GTF2A1: variants seen among roughly 807,000 people sequenced by gnomAD.
GTF2A1 encodes transcription initiation factor IIA subunit 1.
GTF2A1 carries 12 observed loss-of-function variants against 54.1 expected under a neutral mutation model. The observed-to-expected ratio is 0.22, with a 90% CI of 0.14 to 0.36. The LOEUF (loss-of-function observed/expected upper bound fraction) is 0.36, where lower values mean the gene tolerates loss of function less well. Ranked by LOEUF, GTF2A1 falls within the 10% of genes least tolerant of loss-of-function variation. The pLI is 1.00. For missense variants in GTF2A1, 335 were observed against 442.2 expected, an observed-to-expected ratio of 0.76 and a Z score of 2.17; for synonymous variants, 145 against 152.0, an observed-to-expected ratio of 0.95 and a Z score of 0.34.
chr14:81,209,034 T>C (rs1244037551), intron 2 of GTF2A1, among the ~76,000 whole-genome samples: 1 of 152,126 alleles, frequency 6.6e-6, no homozygotes, highest in Non-Finnish European at 1.5e-5. Flanking sequence ...AGTTAAGACT[T>C]TGGGGGACTG....
chr14:81,195,135 CAAA>C (rs749038152), intron 6 of GTF2A1, among the ~76,000 whole-genome samples: 4 of 61,260 alleles, frequency 6.5e-5, no homozygotes, highest in African/African-American at 9.9e-5. Context: ...GACTCTGTCT[CAAA>C]AAAAAAAAAA....
chr14:81,218,945 A>T (rs182549578), intron 1 of GTF2A1, among the ~76,000 whole-genome samples: 8 of 151,918 alleles, frequency 5.3e-5, no homozygotes, highest in Admixed American at 5.3e-4. Context: ...AACATAATGA[A>T]ATATTAGGAG....
At chr14:81,187,561 T>G (rs1892777494) in intron 7 of GTF2A1, among the ~76,000 whole-genome samples, 1 of 152,204 alleles carries the variant, frequency 6.6e-6, no homozygotes, top group Admixed American at 6.5e-5. Context: ...TAATCTGCTG[T>G]CTGTATGGAT....
rs933937605 is a variant in GTF2A1 at position 81,179,392 on chromosome 14, T to C, written c.*831A>G. 6.6e-6 allele frequency: 1 copy of C among 152,214 alleles called. No homozygotes were observed. Among genetic ancestry groups the C allele is most frequent in the Non-Finnish European group, 1.5e-5 (1 of 68,042 alleles). The allele number at this position is 152,214 out of a possible 1,614,324, so 9.4% of individuals were successfully genotyped here. ...ATACAATTTCAGCTAGATGGTATGC[T>C]TGCAAAATAAAACTATATTCCTGAG... is the stretch of plus-strand genomic sequence containing the variant. On this transcript the variant is annotated 3_prime_UTR_variant, in exon 9 of 9. Coordinates refer to ENST00000553612, the MANE Select transcript of GTF2A1 (RefSeq NM_015859.4).
intron 2 of GTF2A1, among the ~76,000 whole-genome samples, chr14:81,213,803 A>G (rs1180351770): frequency 6.7e-6 from 1 of 150,138 alleles, no homozygotes; most frequent in Admixed American, 6.6e-5. Flanking sequence ...TCACACCTAT[A>G]TATTTTTCCT....
intron 2 of GTF2A1, among the ~76,000 whole-genome samples, chr14:81,212,802 T>C (rs907843485): frequency 6.6e-6 from 1 of 152,230 alleles, no homozygotes; most frequent in African/African-American, 2.4e-5. Flanking sequence ...AGTTCCTCAG[T>C]TCCACCAACC....
chr14:81,214,518 C>A (rs1406152514), intron 2 of GTF2A1, among the ~76,000 whole-genome samples: 1 of 151,652 alleles, frequency 6.6e-6, no homozygotes, highest in African/African-American at 2.4e-5. Context: ...TCGTGGCGGG[C>A]GCCTGTAGTC....
At position 81,220,916 on chromosome 14, in the gene GTF2A1, A is replaced by C; in HGVS notation, c.-398T>G. 3 of 176,166 alleles carry C rather than the reference A, an allele frequency of 1.7e-5. No individual in the cohort carries two copies. Among genetic ancestry groups the C allele is most frequent in the East Asian group, 3.0e-4 (2 of 6,740 alleles). The allele number at this position is 176,166 out of a possible 1,614,324, so 10.9% of individuals were successfully genotyped here. On this transcript the variant is annotated 5_prime_UTR_variant, in exon 1 of 9. Transcript: ENST00000553612. ...CTCTCCTTTATATAGCGAGCCAACA[A>C]GCTGCGCGAGCCACCACCGCCGCCG... is the stretch of plus-strand genomic sequence containing the variant.
intron 7 of GTF2A1, among the ~76,000 whole-genome samples, chr14:81,187,013 G>A (rs530208182): frequency 4.1e-4 from 62 of 152,048 alleles, no homozygotes; most frequent in Non-Finnish European, 7.4e-4. Context: ...AGGTGTGTAT[G>A]TATAGATATT....
At chr14:81,206,948 T>A (rs1008489657) in intron 2 of GTF2A1, among the ~76,000 whole-genome samples, 1 of 152,158 alleles carries the variant, frequency 6.6e-6, no homozygotes. Context: ...ACACATACAC[T>A]GGCGCATGTA....
At position 81,176,904 on chromosome 14, in the gene GTF2A1, T is replaced by C. The variant is rs1892540287; in HGVS notation, c.*3319A>G. The C allele has an allele frequency of 6.6e-6, 1 of 152,034 alleles. No individual in the cohort carries two copies. Among genetic ancestry groups the C allele is most frequent in the African/African-American group, 2.4e-5 (1 of 41,436 alleles). 9.4% of individuals were successfully genotyped at this position (152,034 alleles called of 1,614,324 possible). A position where few individuals can be genotyped will look rare whatever the true frequency, so the allele number is the denominator to read the frequency against. On this transcript the variant is annotated 3_prime_UTR_variant, in exon 9 of 9. Transcript: ENST00000553612. ...TCAAGTAGAAGAAAATGCTAAGTCATAAAGAGAACTCCCAAGAGGAAATTA... is the reference window on the plus strand; with the variant it reads ...TCAAGTAGAAGAAAATGCTAAGTCACAAAGAGAACTCCCAAGAGGAAATTA...
At chr14:81,209,807 C>T (rs1024867546) in intron 2 of GTF2A1, 49 of 572,972 alleles carry the variant, frequency 8.6e-5, no homozygotes, top group African/African-American at 1.2e-4. Flanking sequence ...GTCTCAACAG[C>T]CTCAAAGAAA....
chr14:81,189,931 T>C (rs558122023), intron 7 of GTF2A1, among the ~76,000 whole-genome samples: 101 of 151,884 alleles, frequency 6.6e-4, no homozygotes, highest in Middle Eastern at 3.4e-3. Flanking sequence ...AAAAACACAC[T>C]AGAGAGAATA....
chr14:81,200,853 A>C (rs2140160700), intron 4 of GTF2A1, among the ~76,000 whole-genome samples: 1 of 149,588 alleles, frequency 6.7e-6, no homozygotes, highest in South Asian at 2.1e-4. Context: ...GTATTGAACT[A>C]CTCTAATCTG....
At chr14:81,203,662 C>T (rs1465452003) in intron 3 of GTF2A1, among the ~76,000 whole-genome samples, 1 of 152,052 alleles carries the variant, frequency 6.6e-6, no homozygotes, top group Non-Finnish European at 1.5e-5. Flanking sequence ...ACTTGTCTAC[C>T]ATTACTCTAC....
chr14:81,192,557 T>G lies in GTF2A1; in HGVS notation c.895A>C (p.Lys299Gln), dbSNP rs887820232. 6 of 1,612,694 alleles carry G rather than the reference T, an allele frequency of 3.7e-6. No individual in the cohort carries two copies. Among genetic ancestry groups the G allele is most frequent in the African/African-American group, 2.7e-5 (2 of 74,840 alleles). The change falls in exon 7 of 9, where the codon AAA becomes CAA. Residue 299 changes from lysine (K) to glutamine (Q), a missense_variant. By Grantham distance (53) the Lys-to-Gln change is moderately conservative. Around this residue, in one of 2 missense-constraint regions of GTF2A1, gnomAD observed 306 missense variants for 360.4 expected, o/e 0.85. Coordinates refer to ENST00000553612, the MANE Select transcript of GTF2A1 (RefSeq NM_015859.4). ...EDYDDDEEED[K>Q]EKDGAEDGQV... ...CCATCTTCAGCTCCATCTTTCTCTT[T>G]GTCTTCCTCCTCATCATCATCATAG...
Position 81,175,897 on chromosome 14 carries a change from A to AC in GTF2A1, c.*4325dup, listed in dbSNP as rs1166241242. On this transcript the variant is annotated 3_prime_UTR_variant, in exon 9 of 9. Transcript: ENST00000553612. ...TAATTTGTTAGTGTGAATTCGCCCA[A>AC]CCTAAATTCCTGTGTGCCTGGAAAA... is the stretch of plus-strand genomic sequence containing the variant. 1 of 152,148 alleles carries AC rather than the reference A, an allele frequency of 6.6e-6. No homozygotes were observed. Among genetic ancestry groups the AC allele is most frequent in the Non-Finnish European group, 1.5e-5 (1 of 68,006 alleles). The allele number at this position is 152,148 out of a possible 1,614,324, so 9.4% of individuals were successfully genotyped here.
intron 3 of GTF2A1, among the ~76,000 whole-genome samples, 184 bp from the exon 4 acceptor site, chr14:81,201,842 C>A (rs1300924041): frequency 6.6e-6 from 1 of 152,018 alleles, no homozygotes; most frequent in African/African-American, 2.4e-5. Context: ...CTGTGATATA[C>A]CCACCCTATA....
At chr14:81,206,879 C>A (rs1259583575) in intron 2 of GTF2A1, among the ~76,000 whole-genome samples, 3 of 151,874 alleles carry the variant, frequency 2.0e-5, no homozygotes, top group African/African-American at 7.2e-5. Flanking sequence ...CAAAATAGAA[C>A]TGAGAAAAAA....
Sources: allele counts gnomAD v4.1 joint callset (sites outside exome capture counted in the v4.1 genomes callset), GRCh38; gene constraint gnomAD v4.1.1; regional missense constraint gnomAD v4.1.1; transcripts MANE v1.5; gene names NCBI Gene and HGNC (gene_info 2026-07-23, HGNC 2026-07-21).